The following LENG8 variants were observed in gnomAD, a reference collection of about 807,000 sequenced individuals.
LENG8 encodes leukocyte receptor cluster (LRC) member 8.
LENG8 carries 28 observed loss-of-function variants against 102.1 expected under a neutral mutation model. The observed-to-expected ratio is 0.27, with a 90% CI of 0.20 to 0.38. The LOEUF is 0.38. LENG8 is among the 10% of genes least tolerant of loss of function. LENG8 has a pLI of 1.00. For synonymous variants in LENG8, 531 were observed against 456.7 expected (o/e 1.16, Z -2.07); for missense variants, 1,022 against 1,113.9 (o/e 0.92, Z 1.17).
chr19:54,455,894 T>C (rs2084207756), intron 8 of LENG8, 73 bp from the exon 9 acceptor site: 1 of 1,505,268 alleles, frequency 6.6e-7, no homozygotes, highest in African/African-American at 1.4e-5. Flanking sequence ...GTCGGTACCT[T>C]GAGGGAGGTG....
At chr19:54,451,495 C>A in intron 2 of LENG8, 113 bp downstream of exon 2, 5 of 1,059,388 alleles carry the variant, frequency 4.7e-6, no homozygotes, top group East Asian at 2.4e-5. Context: ...ATGCCACAAT[C>A]CCTGTGGGTG....
At position 54,460,731 on chromosome 19, in the gene LENG8, G is replaced by A. The variant is rs762598294; in HGVS notation, c.2241-35G>A. On this transcript the variant is annotated intron_variant, in intron 15 of 15. Coordinates refer to ENST00000326764, the MANE Select transcript of LENG8 (RefSeq NM_052925.4). ...GGGGCCCTCCCCTGCCCTCCCGCCC[G>A]CCCGCCTCATCACCTTCTCCTCTTG... The A allele has an allele frequency of 6.8e-5, 27 of 394,200 alleles. No homozygotes were observed. In the East Asian group the frequency reaches 7.6e-4, roughly 11 times the overall value. The allele number at this position is 394,200 out of a possible 1,614,324, so 24.4% of individuals were successfully genotyped here. A position where few individuals can be genotyped will look rare whatever the true frequency, so the allele number is the denominator to read the frequency against.
At chr19:54,459,096 G>A in intron 15 of LENG8, 1 of 1,380,510 alleles carries the variant, frequency 7.2e-7, no homozygotes, top group Non-Finnish European at 9.3e-7. Flanking sequence ...CTTGCTGTGG[G>A]TGGGGATGAG....
At chr19:54,459,989 A>C in intron 15 of LENG8, 1 of 1,237,624 alleles carries the variant, frequency 8.1e-7, no homozygotes, top group Non-Finnish European at 1.0e-6. Flanking sequence ...CATAGCCATG[A>C]GTGCCCCTCG....
At chr19:54,455,682 C>T (rs965159180) in intron 8 of LENG8, 115 bp downstream of exon 8, 5 of 1,074,894 alleles carry the variant, frequency 4.7e-6, no homozygotes, top group Non-Finnish European at 5.4e-6. Flanking sequence ...GAGAAATGAA[C>T]TGGAAAGTTG....
chr19:54,455,294 A>G, intron 7 of LENG8, 70 bp from the exon 8 acceptor site: 1 of 1,561,402 alleles, frequency 6.4e-7, no homozygotes, highest in Non-Finnish European at 8.8e-7. Flanking sequence ...GTCAGCTCAG[A>G]GTGGCGGTGG....
chr19:54,452,951 G>A (rs1416163274), intron 4 of LENG8, among the ~76,000 whole-genome samples, 199 bp downstream of exon 4: 2 of 152,132 alleles, frequency 1.3e-5, no homozygotes, highest in East Asian at 3.9e-4. Flanking sequence ...CTACATACCC[G>A]GTTCTGGTCC....
At chr19:54,460,419 C>A (rs1024036149) in intron 15 of LENG8, 12 of 1,245,848 alleles carry the variant, frequency 9.6e-6, no homozygotes, top group African/African-American at 3.1e-5. Context: ...GTGGCCCTGG[C>A]AGCCCCGCCA....
chr19:54,459,951 T>C, intron 15 of LENG8: 3 of 1,208,492 alleles, frequency 2.5e-6, no homozygotes, highest in Non-Finnish European at 3.2e-6. Flanking sequence ...TCCTTGTTAA[T>C]TGATACCTAA....
At position 54,457,762 on chromosome 19, in the gene LENG8, C is replaced by G; in HGVS notation, c.1747C>G (p.Leu583Val). ...VRPVAVLKKS[L>V]CMVKCHWKEK... ...CCTTTTTCAGGTTTTGAAAAAGTCG[C>G]TGTGCATGGTCAAGTGCCACTGGAA... Residue 583 changes from leucine to valine, a missense_variant, in exon 12 of 16, where the codon CTG (leucine) becomes GTG (valine). Physicochemically the swap from Leu to Val is conservative, Grantham distance 32. This residue lies in a region of LENG8 where 158 missense variants were observed against 229.0 expected (regional missense o/e 0.69). Transcript: ENST00000326764. 1 of 1,613,862 alleles carries G rather than the reference C, an allele frequency of 6.2e-7. No individual in the cohort carries two copies. Among genetic ancestry groups the G allele is most frequent in the Non-Finnish European group, 8.5e-7 (1 of 1,179,724 alleles).
At chr19:54,453,403 A>C (rs1157924430) in intron 4 of LENG8, 143 bp from the exon 5 acceptor site, 1 of 623,846 alleles carries the variant, frequency 1.6e-6, no homozygotes, top group African/African-American at 1.8e-5. Context: ...CTAATATATG[A>C]GAGGATGTGG....
At position 54,452,056 on chromosome 19, in the gene LENG8, G is replaced by A. The variant is rs188928355; in HGVS notation, c.39-37G>A. ...AACTTGCCCACCTGTGTACAGTGGG[G>A]AGAACAGGTGTGACTTGATGTCCTC... On this transcript the variant is annotated intron_variant, in intron 2 of 15. Transcript: ENST00000326764. 5.7e-6 allele frequency: 9 copies of A among 1,581,594 alleles called. No homozygotes were observed. The Admixed American group carries it at 1.5e-4, about 27-fold the overall frequency.
Position 54,454,593 on chromosome 19 carries a change from G to A in LENG8, c.590G>A (p.Gly197Glu), listed in dbSNP as rs780555235. Residue 197 changes from glycine to glutamate, a missense_variant, in exon 6 of 16, where the codon GGG becomes GAG. Physicochemically the swap from Gly to Glu is moderately conservative, Grantham distance 98. Transcript: ENST00000326764. ...TAPATQHSQA[G>E]PATGQAYGPH... is the part of the protein sequence containing the mutation. ...CCAGCCACACAGCACAGCCAGGCGG[G>A]GCCCGCCACGGGCCAGGCCTATGGG... 1.9e-6 allele frequency: 3 copies of A among 1,607,946 alleles called. No individual in the cohort carries two copies. Among genetic ancestry groups the A allele is most frequent in the Non-Finnish European group, 2.5e-6 (3 of 1,178,508 alleles).
rs765489285 is a variant in LENG8 at position 54,460,938 on chromosome 19, G to A, written c.*10G>A. 102 of 1,542,904 alleles carry A rather than the reference G, an allele frequency of 6.6e-5. No individual in the cohort carries two copies. The highest frequency in any genetic ancestry group is 6.1e-4 in the South Asian group (51 of 84,132). On this transcript the variant is annotated 3_prime_UTR_variant, in exon 16 of 16. Transcript: ENST00000326764. Reference sequence around the variant, plus strand: ...GCTGTCAGCCTTCTGAGCACCCAGCGAGGAGGGGCGGGGGCAGGGGCTGCA... The same window carrying A: ...GCTGTCAGCCTTCTGAGCACCCAGCAAGGAGGGGCGGGGGCAGGGGCTGCA...
At chr19:54,451,761 A>G (rs1019770382) in intron 2 of LENG8, among the ~76,000 whole-genome samples, 2 of 152,170 alleles carry the variant, frequency 1.3e-5, no homozygotes, top group African/African-American at 4.8e-5. Flanking sequence ...TGTCAGACAG[A>G]ATTCATTGAT....
intron 15 of LENG8, chr19:54,459,418 C>T: frequency 2.0e-6 from 2 of 991,470 alleles, no homozygotes; most frequent in Non-Finnish European, 2.4e-6. Context: ...GGTGGCCCTC[C>T]ACGTGAGGTC....
chr19:54,458,563 C>T (rs760058767), intron 15 of LENG8, 42 bp downstream of exon 15: 3 of 1,612,696 alleles, frequency 1.9e-6, no homozygotes, highest in Admixed American at 1.7e-5. Context: ...CTCTTCCCAT[C>T]CTTCCGCCTC....
At chr19:54,460,183 G>A in intron 15 of LENG8, 1 of 1,290,026 alleles carries the variant, frequency 7.8e-7, no homozygotes, top group Non-Finnish European at 1.0e-6. Context: ...TCGGTGCCTG[G>A]GTTCCTGTGT....
intron 7 of LENG8, 104 bp from the exon 8 acceptor site, chr19:54,455,260 A>G: frequency 1.3e-6 from 2 of 1,509,528 alleles, no homozygotes; most frequent in Non-Finnish European, 1.8e-6. Context: ...ACAGAAGGAA[A>G]ACTTGGGGAC....
Sources: allele counts gnomAD v4.1 joint callset (sites outside exome capture counted in the v4.1 genomes callset), GRCh38; gene constraint gnomAD v4.1.1; regional missense constraint gnomAD v4.1.1; transcripts MANE v1.5; gene names NCBI Gene and HGNC (gene_info 2026-07-23, HGNC 2026-07-21).